MSRB3: variants seen among roughly 807,000 people sequenced by gnomAD.
MSRB3 encodes the protein methionine-R-sulfoxide reductase B3.
Under a neutral mutation model 21.0 loss-of-function variants are expected in MSRB3, and 13 were observed. The ratio of observed to expected loss-of-function variants is 0.62; its 90% CI spans 0.40 to 0.98. The LOEUF is 0.98. Among genes scored for constraint, MSRB3 ranks in the 50% least tolerant of loss-of-function variants. MSRB3 has a pLI of 0.00. For missense variants in MSRB3, 199 were observed against 230.3 expected, an observed-to-expected ratio of 0.86 and a Z score of 0.88; for synonymous variants, 87 against 88.6, an observed-to-expected ratio of 0.98 and a Z score of 0.10.
At chr12:65,420,061 C>A in intron 5 of MSRB3, 2 of 514,386 alleles carry the variant, frequency 3.9e-6, no homozygotes, top group Non-Finnish European at 7.8e-6. Context: ...AGGACTCAGG[C>A]TTTGCTGATA....
intron 2 of MSRB3, among the ~76,000 whole-genome samples, chr12:65,315,803 T>C (rs1874261423): frequency 6.6e-6 from 1 of 152,080 alleles, no homozygotes; most frequent in African/African-American, 2.4e-5. Flanking sequence ...CTTTCAGTAC[T>C]AGATGTATTT....
At chr12:65,381,766 T>C (rs574340204) in intron 5 of MSRB3, among the ~76,000 whole-genome samples, 1 of 152,150 alleles carries the variant, frequency 6.6e-6, no homozygotes, top group East Asian at 1.9e-4. Flanking sequence ...TGCTTAATGA[T>C]TGCTAGTCTT....
chr12:65,310,824 T>C (rs2136426407), intron 2 of MSRB3, among the ~76,000 whole-genome samples: 1 of 152,338 alleles, frequency 6.6e-6, no homozygotes, highest in East Asian at 1.9e-4. Flanking sequence ...AGACTGAGTT[T>C]AAAATCTGAC....
intron 4 of MSRB3, among the ~76,000 whole-genome samples, chr12:65,337,122 A>G (rs1467458901): frequency 6.6e-6 from 1 of 152,198 alleles, no homozygotes; most frequent in African/African-American, 2.4e-5. Context: ...GGGCGCCTGT[A>G]GTCCCAGCTA....
At chr12:65,425,634 T>A (rs1414758762) in intron 5 of MSRB3, among the ~76,000 whole-genome samples, 1 of 152,152 alleles carries the variant, frequency 6.6e-6, no homozygotes, top group African/African-American at 2.4e-5. Context: ...AATCCTACAC[T>A]TTTGCCTCAC....
At chr12:65,386,248 C>A (rs960378022) in intron 5 of MSRB3, among the ~76,000 whole-genome samples, 2 of 151,816 alleles carry the variant, frequency 1.3e-5, no homozygotes, top group Non-Finnish European at 2.9e-5. Context: ...TTCTAGATAG[C>A]AAATATCTGG....
In MSRB3 at chr12:65,413,471, TA is replaced by T. The variant is rs1274125067; in HGVS notation, c.293-40256del. The stretch of plus-strand genomic sequence containing the variant: ...AAGGATATAACTTGGGATAACTTTT[TA>T]GTACTGTTCTTTGGCTCTGAGATGT... On this transcript the variant is annotated intron_variant, in intron 5 of 6. Coordinates refer to ENST00000308259, the MANE Select transcript of MSRB3 (RefSeq NM_001031679.3). Among the ~76,000 whole-genome samples the T allele has an allele frequency of 2.0e-5, 3 of 152,344 alleles. No individual in the cohort carries two copies. The East Asian group carries it at 5.8e-4, about 29-fold the overall frequency.
intron 5 of MSRB3, among the ~76,000 whole-genome samples, chr12:65,402,284 A>G (rs1261763349): frequency 6.6e-6 from 1 of 152,136 alleles, no homozygotes; most frequent in Non-Finnish European, 1.5e-5. Flanking sequence ...ATATAGTCCC[A>G]TATTTCTTGG....
intron 5 of MSRB3, among the ~76,000 whole-genome samples, chr12:65,383,954 C>A (rs1455485781): frequency 6.6e-6 from 1 of 152,086 alleles, no homozygotes; most frequent in South Asian, 2.1e-4. Context: ...CCACTGCCCC[C>A]GGCTGAATTA....
chr12:65,323,072 A>G (rs981560559), intron 2 of MSRB3, among the ~76,000 whole-genome samples: 11 of 152,206 alleles, frequency 7.2e-5, no homozygotes, highest in African/African-American at 2.4e-4. Flanking sequence ...TTAAAATACA[A>G]TTTTAACCTC....
intron 1 of MSRB3, chr12:65,279,412 C>A (rs1042022019): frequency 6.6e-6 from 1 of 152,108 alleles, no homozygotes; most frequent in African/African-American, 2.4e-5. Context: ...GGGAGCGCAC[C>A]CGCCGCCCGC....
chr12:65,346,295 T>C (rs1876499765), intron 4 of MSRB3, among the ~76,000 whole-genome samples: 1 of 152,240 alleles, frequency 6.6e-6, no homozygotes, highest in Non-Finnish European at 1.5e-5. Context: ...TGTGAGATGG[T>C]ATCTCACTGT....
intron 5 of MSRB3, among the ~76,000 whole-genome samples, chr12:65,411,992 G>A (rs1307142413): frequency 6.6e-6 from 1 of 152,050 alleles, no homozygotes; most frequent in African/African-American, 2.4e-5. Context: ...GCAGCATATA[G>A]CTTACTCAAG....
At chr12:65,406,115 T>G (rs1162701386) in intron 5 of MSRB3, among the ~76,000 whole-genome samples, 1 of 152,166 alleles carries the variant, frequency 6.6e-6, no homozygotes, top group African/African-American at 2.4e-5. Context: ...GTTGCCTGTG[T>G]TTTTGGAGTC....
chr12:65,308,289 T>C (rs1268545815), intron 1 of MSRB3, among the ~76,000 whole-genome samples: 1 of 152,200 alleles, frequency 6.6e-6, no homozygotes, highest in Non-Finnish European at 1.5e-5. Context: ...TCTCAACCTC[T>C]TGTAAACTGT....
chr12:65,426,828 C>T (rs1881623321), intron 5 of MSRB3, among the ~76,000 whole-genome samples: 1 of 151,840 alleles, frequency 6.6e-6, no homozygotes, highest in African/African-American at 2.4e-5. Context: ...GTTCTTTTTA[C>T]TTCTCTATGG....
intron 1 of MSRB3, among the ~76,000 whole-genome samples, chr12:65,308,189 G>T (rs1018064151): frequency 6.6e-5 from 10 of 152,144 alleles, no homozygotes; most frequent in African/African-American, 1.7e-4. Context: ...ATGATACAAC[G>T]TGTATATTAG....
At chr12:65,396,710 AAGAAAG>A (rs1301473491) in intron 5 of MSRB3, among the ~76,000 whole-genome samples, 7 of 45,982 alleles carry the variant, frequency 1.5e-4, no homozygotes, top group African/African-American at 2.3e-4. Context: ...AAAAAAAAGA[AAGAAAG>A]AAAGAAAGAA....
intron 5 of MSRB3, among the ~76,000 whole-genome samples, chr12:65,395,003 C>T (rs970208707): frequency 1.3e-5 from 2 of 152,042 alleles, no homozygotes; most frequent in Non-Finnish European, 2.9e-5. Context: ...ACAAAGATGT[C>T]AGTTTTCACC....
Sources: gnomAD v4.1 joint callset for allele counts (sites outside exome capture counted in the v4.1 genomes callset) on GRCh38, gnomAD v4.1.1 for gene constraint, MANE v1.5 for transcripts, NCBI Gene and HGNC (gene_info 2026-07-23, HGNC 2026-07-21) for gene names.